Variants in HMGCLL1 observed in about 807,000 individuals in gnomAD.
HMGCLL1 encodes the protein 3-hydroxy-3-methylglutaryl-CoA lyase like 1, also known as 3-hydroxymethyl-3-methylglutaryl-CoA lyase, cytoplasmic.
HMGCLL1 carries 36 observed loss-of-function variants against 39.1 expected under a neutral mutation model. The ratio of observed to expected loss-of-function variants is 0.92; its 90% CI spans 0.71 to 1.22. HMGCLL1 has a LOEUF of 1.22. HMGCLL1 is among the 50% of genes most tolerant of loss of function. The pLI, the probability that HMGCLL1 is intolerant of heterozygous loss-of-function variation, is 0.00. For synonymous variants in HMGCLL1, 149 were observed against 144.0 expected (o/e 1.03, Z -0.25); for missense variants, 451 against 416.5 (o/e 1.08, Z -0.72).
chr6:55,461,902 CAATT>C (rs1460499510), intron 7 of HMGCLL1, among the ~76,000 whole-genome samples: 5 of 151,946 alleles, frequency 3.3e-5, no homozygotes, highest in Admixed American at 2.0e-4. Flanking sequence ...TAGAAGAAGA[CAATT>C]AAGTAGCAGG....
At chr6:55,618,803 A>G in the HMGCLL1 span, among the ~76,000 whole-genome samples, 3 of 152,246 alleles carry the variant, frequency 2.0e-5, no homozygotes, top group African/African-American at 7.2e-5. Flanking sequence ...AATCATTGAA[A>G]GTTAAAAAGA....
chr6:55,483,467 T>C (rs1325729266), intron 7 of HMGCLL1, among the ~76,000 whole-genome samples: 1 of 152,152 alleles, frequency 6.6e-6, no homozygotes, highest in Non-Finnish European at 1.5e-5. Flanking sequence ...GGTTTTACCA[T>C]GTTGCCAGGA....
intron 1 of HMGCLL1, among the ~76,000 whole-genome samples, chr6:55,571,669 C>A (rs1771505479): frequency 6.6e-6 from 1 of 151,836 alleles, no homozygotes; most frequent in Non-Finnish European, 1.5e-5. Context: ...ATTAGCCGGG[C>A]ACAGTAGCGG....
chr6:55,587,432 A>C, the HMGCLL1 span, among the ~76,000 whole-genome samples: 1 of 151,892 alleles, frequency 6.6e-6, no homozygotes, highest in Admixed American at 6.6e-5. Context: ...AAACATGGAA[A>C]CGAACAACCG....
chr6:55,578,550 T>C (rs983103951), intron 1 of HMGCLL1, among the ~76,000 whole-genome samples: 1 of 152,192 alleles, frequency 6.6e-6, no homozygotes, highest in Admixed American at 6.5e-5. Context: ...CTGCCTCACA[T>C]TGTGACAAAT....
intron 3 of HMGCLL1, among the ~76,000 whole-genome samples, chr6:55,525,879 T>C (rs556544325): frequency 6.6e-6 from 1 of 151,990 alleles, no homozygotes; most frequent in Admixed American, 6.6e-5. Flanking sequence ...ACATAGACCC[T>C]ACAAAACAGA....
intron 7 of HMGCLL1, among the ~76,000 whole-genome samples, chr6:55,464,455 G>T (rs2127398681): frequency 6.6e-6 from 1 of 152,130 alleles, no homozygotes; most frequent in African/African-American, 2.4e-5. Context: ...CCACCTCCAG[G>T]ATATTTTTAA....
the HMGCLL1 span, among the ~76,000 whole-genome samples, chr6:55,608,081 C>T: frequency 6.6e-6 from 1 of 152,230 alleles, no homozygotes; most frequent in South Asian, 2.1e-4. Context: ...CATTAATTTG[C>T]CTCTTATATT....
rs1304676864 is a variant in HMGCLL1, at chr6:55,435,443, CAA to C, written c.*217_*218del. The C allele has an allele frequency of 1.4e-5, 5 of 368,622 alleles. No homozygotes were observed. The highest frequency in any genetic ancestry group is 2.4e-5 in the Non-Finnish European group (5 of 205,216). The allele number at this position is 368,622 out of a possible 1,614,324, so 22.8% of individuals were successfully genotyped here. ...CTTTTTTCCAAGTTCAAAATTATGA[CAA>C]GTTTTATTATTTATCCTCAGCTTGC... On this transcript the variant is annotated 3_prime_UTR_variant, in exon 9 of 9. Transcript: ENST00000274901.
the HMGCLL1 span, among the ~76,000 whole-genome samples, chr6:55,637,988 C>T: frequency 6.6e-6 from 1 of 152,056 alleles, no homozygotes. Flanking sequence ...AACTACAAAA[C>T]TCACTTTGAA....
chr6:55,469,777 T>C (rs2127402375), intron 7 of HMGCLL1, among the ~76,000 whole-genome samples: 1 of 151,898 alleles, frequency 6.6e-6, no homozygotes, highest in Middle Eastern at 3.4e-3. Flanking sequence ...TGCATATTCA[T>C]CTTTTGGCAC....
chr6:55,576,407 G>T (rs1407627827), intron 1 of HMGCLL1, among the ~76,000 whole-genome samples: 5 of 152,170 alleles, frequency 3.3e-5, no homozygotes, highest in African/African-American at 1.2e-4. Context: ...AGATGATGTT[G>T]CTGAGAGATG....
At chr6:55,591,295 T>A in the HMGCLL1 span, among the ~76,000 whole-genome samples, 1 of 151,956 alleles carries the variant, frequency 6.6e-6, no homozygotes, top group Non-Finnish European at 1.5e-5. Flanking sequence ...TCATAAGTAC[T>A]ATCCAGGAGA....
At chr6:55,589,727 C>G in the HMGCLL1 span, among the ~76,000 whole-genome samples, 2 of 150,174 alleles carry the variant, frequency 1.3e-5, no homozygotes, top group African/African-American at 4.8e-5. Flanking sequence ...AATCAATGTG[C>G]AAAAATCACA....
chr6:55,438,936 A>G (rs1432862670), intron 8 of HMGCLL1, among the ~76,000 whole-genome samples: 1 of 152,020 alleles, frequency 6.6e-6, no homozygotes, highest in Admixed American at 6.6e-5. Flanking sequence ...TTGCAAAGAG[A>G]CTATTCTTGC....
At position 55,530,905 on chromosome 6, in the gene HMGCLL1, C is replaced by T. The variant is rs74377518; in HGVS notation, c.297+10824G>A. ...AACTCTTTATGAACATCAGCCAAAA[C>T]GTATGTCTTTAAAACGCATTATCCT... On this transcript the variant is annotated intron_variant, in intron 3 of 8. Coordinates refer to ENST00000274901, the MANE Select transcript of HMGCLL1 (RefSeq NM_001042406.2). 6.9e-3 allele frequency among the ~76,000 whole-genome samples: 1,048 copies of T among 152,114 alleles called. 13 individuals carry two copies. Among genetic ancestry groups the T allele is most frequent in the African/African-American group, 0.024 (992 of 41,504 alleles).
the HMGCLL1 span, among the ~76,000 whole-genome samples, chr6:55,599,662 G>A: frequency 2.6e-5 from 4 of 152,138 alleles, no homozygotes; most frequent in African/African-American, 4.8e-5. Flanking sequence ...TAAATGCCTT[G>A]CCTTTTTACA....
the HMGCLL1 span, among the ~76,000 whole-genome samples, chr6:55,655,311 A>C: frequency 6.6e-6 from 1 of 151,854 alleles, no homozygotes; most frequent in African/African-American, 2.4e-5. Context: ...TTACCTTAAT[A>C]CGTATGTATT....
At chr6:55,577,327 G>T (rs926633058) in intron 1 of HMGCLL1, among the ~76,000 whole-genome samples, 11 of 143,492 alleles carry the variant, frequency 7.7e-5, no homozygotes, top group Non-Finnish European at 1.2e-4. Flanking sequence ...AACTCTGGAG[G>T]GAGCAAAGGG....
Sources: allele counts gnomAD v4.1 joint callset (sites outside exome capture counted in the v4.1 genomes callset), GRCh38; gene constraint gnomAD v4.1.1; transcripts MANE v1.5; gene names NCBI Gene and HGNC (gene_info 2026-07-23, HGNC 2026-07-21).